The following HAPLN3 variants were observed in gnomAD, a reference collection of about 807,000 sequenced individuals.
HAPLN3 encodes the protein extracellular link domain containing, 1.
A neutral mutation model predicts 28.1 loss-of-function variants in HAPLN3; 28 were observed. That is an observed-to-expected ratio of 1.00 (90% CI 0.74 to 1.37). The LOEUF is 1.37. HAPLN3 is among the 40% of genes most tolerant of loss of function. The pLI is 0.00. For missense variants in HAPLN3, 513 were observed against 504.6 expected (o/e 1.02, Z -0.16); for synonymous variants, 211 against 213.1 (o/e 0.99, Z 0.09).
At chr15:88,890,126 G>A (rs1386360252) in intron 1 of HAPLN3, among the ~76,000 whole-genome samples, 1 of 152,172 alleles carries the variant, frequency 6.6e-6, no homozygotes, top group Admixed American at 6.5e-5. Context: ...GATTGTGGAG[G>A]AAACATTCTT....
chr15:88,881,065 G>A lies in HAPLN3; in HGVS notation c.493+292C>T, dbSNP rs746048176. On this transcript the variant is annotated intron_variant, in intron 3 of 4. Coordinates refer to ENST00000359595, the MANE Select transcript of HAPLN3 (RefSeq NM_178232.4). The surrounding 1 kb of genome is among the most constrained non-coding windows in gnomAD (Gnocchi z 6.0). ...AGCTCTGGTTTTCCTCTCTCTGAAT[G>A]AGATGTGAATTACAGCGGGTAGAGG... 4.5e-6 allele frequency: 2 copies of A among 444,998 alleles called. No homozygotes were observed. The highest frequency in any genetic ancestry group is 2.0e-5 in the African/African-American group (1 of 50,042). The allele number at this position is 444,998 out of a possible 1,614,324, so 27.6% of individuals were successfully genotyped here. A position where few individuals can be genotyped will look rare whatever the true frequency, so the allele number is the denominator to read the frequency against.
chr15:88,878,020 G>A lies in HAPLN3; in HGVS notation c.1033C>T (p.Pro345Ser). 2.5e-6 allele frequency: 4 copies of A among 1,613,850 alleles called. No individual in the cohort carries two copies. The highest frequency in any genetic ancestry group is 2.5e-6 in the Non-Finnish European group (3 of 1,179,932). Reference protein sequence around the residue: ...PEPGVRSFGFPDPQSRLYGVY... With the variant: ...PEPGVRSFGFSDPQSRLYGVY... ...CCGTACAAGCGGCTCTGCGGGTCGG[G>A]GAAGCCAAAGCTTCGGACCCCAGGC... is the stretch of plus-strand genomic sequence containing the variant. The change falls in exon 5 of 5, where the codon CCC (proline) becomes TCC (serine). Residue 345 changes from proline (P) to serine (S), a missense_variant. Pro to Ser is a moderately conservative substitution (Grantham distance 74). Coordinates refer to ENST00000359595, the MANE Select transcript of HAPLN3 (RefSeq NM_178232.4).
At position 88,879,627 on chromosome 15, in the gene HAPLN3, T is replaced by C. The variant is rs1054019906; in HGVS notation, c.494-358A>G. ...TTGGGCTCTAGGGGCCAGGTTTGAC[T>C]CCCAGCTCCCCACTCGTTAGCTGGG... On this transcript the variant is annotated intron_variant, in intron 3 of 4. Transcript: ENST00000359595. The surrounding 1 kb of genome is among the most constrained non-coding windows in gnomAD (Gnocchi z 5.0). 2.4e-6 allele frequency: 3 copies of C among 1,257,920 alleles called. No homozygotes were observed. Among genetic ancestry groups the C allele is most frequent in the African/African-American group, 1.5e-5 (1 of 65,386 alleles). The allele number at this position is 1,257,920 out of a possible 1,614,324, so 77.9% of individuals were successfully genotyped here. A position where few individuals can be genotyped will look rare whatever the true frequency, so the allele number is the denominator to read the frequency against.
chr15:88,894,156 A>G (rs1360833336), intron 1 of HAPLN3, among the ~76,000 whole-genome samples: 1 of 152,132 alleles, frequency 6.6e-6, no homozygotes, highest in Non-Finnish European at 1.5e-5. Flanking sequence ...CTCACTGCCT[A>G]CGAGACAAAG....
At chr15:88,892,917 G>C in intron 1 of HAPLN3, 1 of 1,523,766 alleles carries the variant, frequency 6.6e-7, no homozygotes, top group Non-Finnish European at 8.8e-7. Flanking sequence ...AACTCCTCAG[G>C]ACCACCACAG....
At chr15:88,886,814 G>A (rs1473739057) in intron 2 of HAPLN3, among the ~76,000 whole-genome samples, 1 of 152,180 alleles carries the variant, frequency 6.6e-6, no homozygotes, top group Admixed American at 6.5e-5. Flanking sequence ...AACAGAGTGA[G>A]ACTTTATCTC....
rs1370036810 is a variant in HAPLN3, at chr15:88,880,562, A to C, written c.493+795T>G. 7.8e-7 allele frequency: 1 copy of C among 1,288,622 alleles called. No homozygotes were observed. Among genetic ancestry groups the C allele is most frequent in the African/African-American group, 1.5e-5 (1 of 65,798 alleles). The allele number at this position is 1,288,622 out of a possible 1,614,324, so 79.8% of individuals were successfully genotyped here. A position where few individuals can be genotyped will look rare whatever the true frequency, so the allele number is the denominator to read the frequency against. On this transcript the variant is annotated intron_variant, in intron 3 of 4. Coordinates refer to ENST00000359595, the MANE Select transcript of HAPLN3 (RefSeq NM_178232.4). The surrounding 1 kb of genome is among the most constrained non-coding windows in gnomAD (Gnocchi z 6.0). ...GTCAGGTCACCTTCCTCTATCCCCG[A>C]ACTGCCTCCCTAACATGTGGGAGAG...
At chr15:88,887,139 A>C in intron 2 of HAPLN3, 36 bp downstream of exon 2, 1 of 1,611,982 alleles carries the variant, frequency 6.2e-7, no homozygotes, top group East Asian at 2.2e-5. Flanking sequence ...TAGGTCACCC[A>C]GGGGAGCAAA....
chr15:88,886,788 G>A (rs1048045044), intron 2 of HAPLN3, among the ~76,000 whole-genome samples: 1 of 152,238 alleles, frequency 6.6e-6, no homozygotes, highest in Non-Finnish European at 1.5e-5. Flanking sequence ...TCGTGCCATT[G>A]CACTCCAGCC....
Position 88,888,968 on chromosome 15 carries a change from G to A in HAPLN3, c.-47-1623C>T, listed in dbSNP as rs915114715. ...GTCTGTCCTTCTCTGACACGTATTG[G>A]TCCCTGTTGTCCCAGTTCCCCAGGC... On this transcript the variant is annotated intron_variant, in intron 1 of 4. Transcript: ENST00000359595. This position sits in a 1 kb window ranked among gnomAD's most constrained non-coding sequence, Gnocchi z 4.1. Among the ~76,000 whole-genome samples the A allele has an allele frequency of 3.3e-5, 5 of 152,164 alleles. No homozygotes were observed. Among genetic ancestry groups the A allele is most frequent in the Non-Finnish European group, 5.9e-5 (4 of 68,022 alleles).
chr15:88,886,245 G>T (rs1897849777), intron 2 of HAPLN3, among the ~76,000 whole-genome samples: 1 of 151,484 alleles, frequency 6.6e-6, no homozygotes, highest in African/African-American at 2.4e-5. Context: ...CAGCTGCTTG[G>T]GAGGCTGAGG....
In HAPLN3 at chr15:88,879,533, A is replaced by T; in HGVS notation, c.494-264T>A. ...ATTAATGTCCCCAACAATGTCCCCA[A>T]CCTAATCCGCAAGGCTGTCGCCAGA... On this transcript the variant is annotated intron_variant, in intron 3 of 4. Transcript: ENST00000359595. The surrounding 1 kb of genome is among the most constrained non-coding windows in gnomAD (Gnocchi z 5.0). 6.9e-7 allele frequency: 1 copy of T among 1,459,478 alleles called. No homozygotes were observed. Among genetic ancestry groups the T allele is most frequent in the Non-Finnish European group, 9.1e-7 (1 of 1,097,788 alleles). 90.4% of individuals were successfully genotyped at this position (1,459,478 alleles called of 1,614,324 possible).
At chr15:88,884,792 C>T (rs1897800891) in intron 2 of HAPLN3, among the ~76,000 whole-genome samples, 1 of 151,848 alleles carries the variant, frequency 6.6e-6, no homozygotes, top group South Asian at 2.1e-4. Flanking sequence ...TAGAGGGAGG[C>T]AGAGGGAGAT....
At chr15:88,890,510 A>G (rs1323498348) in intron 1 of HAPLN3, among the ~76,000 whole-genome samples, 1 of 152,210 alleles carries the variant, frequency 6.6e-6, no homozygotes, top group Non-Finnish European at 1.5e-5. Context: ...TCACCCTGGT[A>G]TATTTCTCGC....
chr15:88,888,490 GATTTGATTTTTTTTTA>G lies in HAPLN3; in HGVS notation c.-47-1161_-47-1146del, dbSNP rs541006806. ...GCCAACCCATGGGCTGTAGTTTGAT[GATTTGATTTTTTTTTA>G]AATATTGTATTCAAATATTTTGTCT... On this transcript the variant is annotated intron_variant, in intron 1 of 4. Transcript: ENST00000359595. This position sits in a 1 kb window ranked among gnomAD's most constrained non-coding sequence, Gnocchi z 4.1. Among the ~76,000 whole-genome samples the G allele has an allele frequency of 1.4e-4, 22 of 152,192 alleles. No individual in the cohort carries two copies. Among genetic ancestry groups the G allele is most frequent in the African/African-American group, 5.1e-4 (21 of 41,526 alleles).
intron 2 of HAPLN3, among the ~76,000 whole-genome samples, chr15:88,886,088 G>A (rs983860767): frequency 2.6e-5 from 4 of 152,062 alleles, no homozygotes; most frequent in African/African-American, 9.7e-5. Flanking sequence ...GTTGGCTCAC[G>A]CCTGTAATCC....
chr15:88,884,028 G>A (rs1470274959), intron 2 of HAPLN3, among the ~76,000 whole-genome samples: 3 of 149,906 alleles, frequency 2.0e-5, no homozygotes, highest in African/African-American at 4.9e-5. Flanking sequence ...GCAGTGAGCC[G>A]AGATCACACC....
At chr15:88,891,923 G>T (rs1197527867) in intron 1 of HAPLN3, among the ~76,000 whole-genome samples, 1 of 152,146 alleles carries the variant, frequency 6.6e-6, no homozygotes, top group Non-Finnish European at 1.5e-5. Context: ...GATGTCCTGG[G>T]CTCCCCGCTG....
At chr15:88,891,366 G>C (rs1021033092) in intron 1 of HAPLN3, among the ~76,000 whole-genome samples, 3 of 151,416 alleles carry the variant, frequency 2.0e-5, no homozygotes, top group Non-Finnish European at 4.4e-5. Context: ...GTAAGATCTC[G>C]GCTCATAGCA....
Sources: gnomAD v4.1 joint callset for allele counts (sites outside exome capture counted in the v4.1 genomes callset) on GRCh38, gnomAD v4.1.1 for gene constraint, Gnocchi (gnomAD v3.1) non-coding constraint, MANE v1.5 for transcripts, NCBI Gene and HGNC (gene_info 2026-07-23, HGNC 2026-07-21) for gene names.